Variants in VTI1A observed in about 807,000 individuals in gnomAD.
VTI1A encodes the protein vesicle transport through interaction with t-SNAREs 1A, also known as vesicle transport through interaction with t-SNAREs homolog 1A.
VTI1A carries 22 observed loss-of-function variants against 34.9 expected under a neutral mutation model. That is an observed-to-expected ratio of 0.63 (90% confidence interval 0.45 to 0.90). The LOEUF (loss-of-function observed/expected upper bound fraction) is 0.90. VTI1A is among the 40% of genes least tolerant of loss of function. VTI1A has a pLI of 0.00. For missense variants in VTI1A, 268 were observed against 275.6 expected (o/e 0.97, Z 0.20); for synonymous variants, 87 against 97.3 (o/e 0.89, Z 0.62).
chr10:112,614,399 C>T (rs772628112), intron 5 of VTI1A, among the ~76,000 whole-genome samples: 50 of 152,126 alleles, frequency 3.3e-4, no homozygotes, highest in Non-Finnish European at 6.5e-4. Flanking sequence ...TAGACAGCAG[C>T]GGTTAATATT....
At chr10:112,679,778 C>A (rs1309438212) in intron 7 of VTI1A, among the ~76,000 whole-genome samples, 2 of 150,490 alleles carry the variant, frequency 1.3e-5, no homozygotes, top group East Asian at 3.9e-4. Flanking sequence ...AAAAAAAAAA[C>A]ACCTGTCAAC....
intron 3 of VTI1A, among the ~76,000 whole-genome samples, chr10:112,502,471 T>C (rs1849278638): frequency 6.6e-6 from 1 of 152,174 alleles, no homozygotes; most frequent in Admixed American, 6.5e-5. Flanking sequence ...AAGAAAGACA[T>C]TAAATCAAAT....
At chr10:112,519,269 G>A (rs976332957) in intron 3 of VTI1A, among the ~76,000 whole-genome samples, 1 of 152,072 alleles carries the variant, frequency 6.6e-6, no homozygotes, top group Non-Finnish European at 1.5e-5. Context: ...TTAATAGCTG[G>A]TGCGGCTCCT....
intron 7 of VTI1A, among the ~76,000 whole-genome samples, chr10:112,712,738 C>T (rs80265375): frequency 1.1e-3 from 171 of 152,280 alleles, no homozygotes; most frequent in Non-Finnish European, 2.2e-3. Flanking sequence ...GCTGCATTCT[C>T]CAAGCATGTG....
intron 7 of VTI1A, among the ~76,000 whole-genome samples, chr10:112,779,091 C>T (rs899647046): frequency 1.1e-4 from 17 of 152,086 alleles, no homozygotes; most frequent in African/African-American, 3.9e-4. Context: ...TGAAAAGGAA[C>T]GAGAGAAAGA....
chr10:112,620,811 A>C (rs2134566722), intron 5 of VTI1A, among the ~76,000 whole-genome samples: 1 of 152,088 alleles, frequency 6.6e-6, no homozygotes, highest in South Asian at 2.1e-4. Context: ...AAAGAAAAGA[A>C]AAGAAAAAAG....
At chr10:112,808,267 T>G (rs1479748907) in intron 7 of VTI1A, among the ~76,000 whole-genome samples, 4 of 152,022 alleles carry the variant, frequency 2.6e-5, no homozygotes, top group Non-Finnish European at 5.9e-5. Flanking sequence ...GATCACATTC[T>G]GAGGTTCCAG....
At chr10:112,484,596 C>T (rs1193353062) in intron 3 of VTI1A, among the ~76,000 whole-genome samples, 1 of 152,004 alleles carries the variant, frequency 6.6e-6, no homozygotes, top group African/African-American at 2.4e-5. Context: ...AATGATTTAT[C>T]GATTTTCACT....
chr10:112,854,511 C>T, the VTI1A span, among the ~76,000 whole-genome samples: 4 of 151,814 alleles, frequency 2.6e-5, no homozygotes, highest in African/African-American at 4.8e-5. Context: ...AGCTGGGCCC[C>T]GGCCGCCCAG....
At position 112,818,200 on chromosome 10, in the gene VTI1A, G is replaced by A; in HGVS notation, c.*2817G>A. The A allele has an allele frequency of 4.3e-6, 1 of 233,358 alleles. No homozygotes were observed. 14.5% of individuals were successfully genotyped at this position (233,358 alleles called of 1,614,324 possible). A position where few individuals can be genotyped will look rare whatever the true frequency, so the allele number is the denominator to read the frequency against. On this transcript the variant is annotated 3_prime_UTR_variant, in exon 8 of 8. Transcript: ENST00000393077. ...TTCTGAGCCCTGAGCTTCAAAGGCT[G>A]AAATTAATGGTGAACAAAATTGTGC...
At chr10:112,642,461 A>G (rs1016141700) in intron 5 of VTI1A, among the ~76,000 whole-genome samples, 1 of 152,200 alleles carries the variant, frequency 6.6e-6, no homozygotes. Flanking sequence ...TCATGGTTCA[A>G]AATTATAGTA....
At chr10:112,488,270 G>A (rs998285877) in intron 3 of VTI1A, among the ~76,000 whole-genome samples, 9 of 152,182 alleles carry the variant, frequency 5.9e-5, no homozygotes, top group Admixed American at 4.6e-4. Flanking sequence ...AGCATGCTAT[G>A]TAAGAGCATA....
intron 5 of VTI1A, among the ~76,000 whole-genome samples, chr10:112,539,279 A>G (rs1850770895): frequency 6.6e-6 from 1 of 152,258 alleles, no homozygotes; most frequent in Non-Finnish European, 1.5e-5. Flanking sequence ...AAGAACAGGT[A>G]TGATGAAAAT....
intron 5 of VTI1A, among the ~76,000 whole-genome samples, chr10:112,604,504 T>C (rs1290219082): frequency 6.6e-6 from 1 of 152,198 alleles, no homozygotes; most frequent in Non-Finnish European, 1.5e-5. Context: ...AGGATTAAAA[T>C]AAGTATATGA....
intron 7 of VTI1A, among the ~76,000 whole-genome samples, chr10:112,799,668 G>A (rs1852805910): frequency 6.6e-6 from 1 of 152,056 alleles, no homozygotes; most frequent in Non-Finnish European, 1.5e-5. Flanking sequence ...TTATCTGATC[G>A]TTACCCCACC....
At chr10:112,793,809 T>A (rs1852576724) in intron 7 of VTI1A, among the ~76,000 whole-genome samples, 1 of 152,242 alleles carries the variant, frequency 6.6e-6, no homozygotes, top group Non-Finnish European at 1.5e-5. Flanking sequence ...CAGATTGTTC[T>A]AGAATCAGAC....
At chr10:112,615,906 A>C (rs916374707) in intron 5 of VTI1A, among the ~76,000 whole-genome samples, 2 of 152,122 alleles carry the variant, frequency 1.3e-5, no homozygotes, top group African/African-American at 4.8e-5. Flanking sequence ...ATGTGCCTAG[A>C]GGCAGAGATG....
chr10:112,798,930 G>A (rs936618907), intron 7 of VTI1A, among the ~76,000 whole-genome samples: 2 of 152,062 alleles, frequency 1.3e-5, no homozygotes, highest in African/African-American at 2.4e-5. Flanking sequence ...TTCCAGCCAC[G>A]TGCTGCAGAC....
In VTI1A at chr10:112,818,330, A is replaced by C. The variant is rs1252427570; in HGVS notation, c.*2947A>C. 4.3e-6 allele frequency: 1 copy of C among 232,614 alleles called. No homozygotes were observed. Among genetic ancestry groups the C allele is most frequent in the Non-Finnish European group, 8.5e-6 (1 of 117,548 alleles). 14.4% of individuals were successfully genotyped at this position (232,614 alleles called of 1,614,324 possible). ...CCTGTTCCAAAAACCTCATCAGATAATGACCTCAGTGATTGGGTTTTCATT... is the reference window on the plus strand; with the variant it reads ...CCTGTTCCAAAAACCTCATCAGATACTGACCTCAGTGATTGGGTTTTCATT... On this transcript the variant is annotated 3_prime_UTR_variant, in exon 8 of 8. Transcript: ENST00000393077.
Sources: allele counts gnomAD v4.1 joint callset (sites outside exome capture counted in the v4.1 genomes callset), GRCh38; gene constraint gnomAD v4.1.1; transcripts MANE v1.5; gene names NCBI Gene and HGNC (gene_info 2026-07-23, HGNC 2026-07-21).